FOXP1: variants seen among roughly 807,000 people sequenced by gnomAD.
FOXP1 encodes the protein forkhead box P1.
FOXP1 carries 15 observed loss-of-function variants against 98.2 expected under a neutral mutation model. The ratio of observed to expected loss-of-function variants is 0.15; its 90% confidence interval spans 0.10 to 0.24. The LOEUF is 0.24. FOXP1 is among the 10% of genes least tolerant of loss of function. The pLI, the probability that FOXP1 is intolerant of heterozygous loss-of-function variation, is 1.00. For synonymous variants in FOXP1, 371 were observed against 314.5 expected, an observed-to-expected ratio of 1.18 and a Z score of -1.90; for missense variants, 633 against 848.5, an observed-to-expected ratio of 0.75 and a Z score of 3.15.
At chr3:71,583,731 C>A (rs1299109421), upstream of FOXP1, 2 of 985,290 alleles carry the variant, frequency 2.0e-6, no homozygotes, top group Admixed American at 6.2e-5. Context: ...GCGAGTACAG[C>A]GTGCAACCGC....
chr3:71,463,597 C>T (rs2108550861), intron 3 of FOXP1, among the ~76,000 whole-genome samples: 1 of 152,188 alleles, frequency 6.6e-6, no homozygotes, highest in South Asian at 2.1e-4. Context: ...ATGAAGATAA[C>T]TATAACAACT....
At chr3:71,490,934 T>C (rs1297334189) in intron 3 of FOXP1, among the ~76,000 whole-genome samples, 2 of 152,200 alleles carry the variant, frequency 1.3e-5, no homozygotes, top group Admixed American at 1.3e-4. Flanking sequence ...TCTAACCCCT[T>C]TGATGAATTC....
At chr3:71,205,411 T>C (rs533095686) in intron 5 of FOXP1, among the ~76,000 whole-genome samples, 7 of 152,318 alleles carry the variant, frequency 4.6e-5, no homozygotes, top group South Asian at 2.1e-4. Context: ...TCATGCACCA[T>C]AGATGTCTAT....
At chr3:71,439,670 G>A (rs766253031) in intron 3 of FOXP1, among the ~76,000 whole-genome samples, 5 of 152,180 alleles carry the variant, frequency 3.3e-5, no homozygotes, top group African/African-American at 4.8e-5. Context: ...GGGGCCAGGC[G>A]CAGCAGCTCA....
chr3:71,368,323 A>C (rs946909962), intron 3 of FOXP1, among the ~76,000 whole-genome samples: 2 of 152,038 alleles, frequency 1.3e-5, no homozygotes, highest in African/African-American at 4.8e-5. Flanking sequence ...ATGGGGTTTC[A>C]GCATGTTGGC....
intron 2 of FOXP1, among the ~76,000 whole-genome samples, chr3:71,497,664 T>A (rs1353527495): frequency 1.3e-5 from 2 of 152,170 alleles, no homozygotes; most frequent in Admixed American, 6.5e-5. Flanking sequence ...GTAACTCTGA[T>A]AAAGATCTGA....
intron 3 of FOXP1, among the ~76,000 whole-genome samples, chr3:71,462,038 T>C (rs2088186773): frequency 6.6e-6 from 1 of 152,146 alleles, no homozygotes. Flanking sequence ...ACTGGAACTA[T>C]CACTACCTGG....
At chr3:71,015,435 C>T (rs949004487) in intron 12 of FOXP1, 114 bp downstream of exon 12, 2 of 694,202 alleles carry the variant, frequency 2.9e-6, no homozygotes, top group African/African-American at 3.5e-5. Context: ...TTAGAGTCCA[C>T]TCTCAAAGGG....
intron 7 of FOXP1, among the ~76,000 whole-genome samples, chr3:71,070,378 C>T (rs943577011): frequency 1.3e-5 from 2 of 152,134 alleles, no homozygotes; most frequent in African/African-American, 2.4e-5. Flanking sequence ...AGCATGTCGG[C>T]GCATTTTCAA....
At chr3:71,416,401 G>A (rs1206936464) in intron 3 of FOXP1, among the ~76,000 whole-genome samples, 1 of 151,998 alleles carries the variant, frequency 6.6e-6, no homozygotes, top group African/African-American at 2.4e-5. Flanking sequence ...AATTTGCCAG[G>A]TATGGTGGTG....
At chr3:71,582,448 G>A (rs985824679) in intron 1 of FOXP1, 1 of 985,272 alleles carries the variant, frequency 1.0e-6, no homozygotes, top group African/African-American at 1.7e-5. Flanking sequence ...AGTCGTCTCG[G>A]CGGGACAGGA....
chr3:71,364,888 G>C (rs2107936637), intron 3 of FOXP1, among the ~76,000 whole-genome samples: 1 of 152,316 alleles, frequency 6.6e-6, no homozygotes, highest in African/African-American at 2.4e-5. Context: ...TGATAGCTGT[G>C]TATATATAAG....
chr3:71,561,708 G>C (rs1381829136), intron 2 of FOXP1, among the ~76,000 whole-genome samples: 1 of 152,176 alleles, frequency 6.6e-6, no homozygotes, highest in Non-Finnish European at 1.5e-5. Context: ...TTGCTGACTA[G>C]TCCCTTATAT....
intron 2 of FOXP1, among the ~76,000 whole-genome samples, chr3:71,530,264 A>C (rs1387380999): frequency 6.6e-6 from 1 of 152,070 alleles, no homozygotes; most frequent in Non-Finnish European, 1.5e-5. Flanking sequence ...TCACCTCGGG[A>C]GTGGGTTCAT....
rs527517927 is a variant in FOXP1 at position 71,365,041 on chromosome 3, T to A, written c.-167-5797A>T. Reference sequence around the variant, plus strand: ...GTACTACAGTAGAAAAGTAATCACATGTAAACAAGTGGGTGTTGTTGTGTT... The same window carrying A: ...GTACTACAGTAGAAAAGTAATCACAAGTAAACAAGTGGGTGTTGTTGTGTT... On this transcript the variant is annotated intron_variant, in intron 3 of 20. Transcript: ENST00000649528. 2.1e-3 allele frequency among the ~76,000 whole-genome samples: 318 copies of A among 152,340 alleles called. 2 individuals are homozygous for A. The highest frequency in any genetic ancestry group is 7.2e-3 in the African/African-American group (300 of 41,578).
At chr3:71,020,282 A>G (rs1056582691) in intron 11 of FOXP1, among the ~76,000 whole-genome samples, 1 of 152,242 alleles carries the variant, frequency 6.6e-6, no homozygotes, top group African/African-American at 2.4e-5. Context: ...TACCAAATCC[A>G]GTATATATTC....
rs530042478 is a variant in FOXP1, at chr3:71,393,509, G to A, written c.-167-34265C>T. Among the ~76,000 whole-genome samples, 11 of 152,124 alleles carry A rather than the reference G, an allele frequency of 7.2e-5. No homozygotes were observed. In the South Asian group the frequency reaches 2.3e-3, roughly 32 times the overall value. On this transcript the variant is annotated intron_variant, in intron 3 of 20. Coordinates refer to ENST00000649528, the MANE Select transcript of FOXP1 (RefSeq NM_001349338.3). The stretch of plus-strand genomic sequence containing the variant: ...AGTGGATGCTAATTAGATAACAACG[G>A]TATTACTATAATGTCTATAAAACCT...
chr3:71,084,360 T>C (rs554639071), intron 7 of FOXP1, among the ~76,000 whole-genome samples: 18 of 152,032 alleles, frequency 1.2e-4, no homozygotes, highest in Non-Finnish European at 2.5e-4. Flanking sequence ...GTGGTTTTTT[T>C]TTTTCCCCCA....
intron 12 of FOXP1, among the ~76,000 whole-genome samples, chr3:71,009,504 G>A (rs929258282): frequency 2.0e-5 from 3 of 152,038 alleles, no homozygotes; most frequent in African/African-American, 7.2e-5. Flanking sequence ...TCCCCTCTGT[G>A]TGGGACTTTT....
Sources: gnomAD v4.1 joint callset for allele counts (sites outside exome capture counted in the v4.1 genomes callset) on GRCh38, gnomAD v4.1.1 for gene constraint, MANE v1.5 for transcripts, NCBI Gene and HGNC (gene_info 2026-07-23, HGNC 2026-07-21) for gene names.